EIF2AK3: variants seen among roughly 807,000 people sequenced by gnomAD.
EIF2AK3 encodes the protein eukaryotic translation initiation factor 2-alpha kinase 3.
Under a neutral mutation model 113.5 loss-of-function variants are expected in EIF2AK3, and 50 were observed. The ratio of observed to expected loss-of-function variants is 0.44; its 90% CI spans 0.35 to 0.56. The LOEUF is 0.56. EIF2AK3 is among the 20% of genes least tolerant of loss of function. The pLI is 0.00. For missense variants in EIF2AK3, 1,185 were observed against 1,378.0 expected (o/e 0.86, Z 2.22); for synonymous variants, 448 against 495.4 (o/e 0.90, Z 1.27).
intron 2 of EIF2AK3, among the ~76,000 whole-genome samples, chr2:88,596,736 T>C (rs1308233580): frequency 6.6e-6 from 1 of 152,118 alleles, no homozygotes; most frequent in Non-Finnish European, 1.5e-5. Flanking sequence ...GGTAAGAGGT[T>C]AGTTGATAAG....
intron 3 of EIF2AK3, chr2:88,594,039 G>A (rs1326688020): frequency 1.4e-5 from 10 of 734,884 alleles, no homozygotes; most frequent in African/African-American, 1.9e-5. Context: ...CTCAAAAAAC[G>A]GCCAGATAGG....
At chr2:88,595,697 A>T (rs574662197) in intron 2 of EIF2AK3, 34 bp from the exon 3 acceptor site, 1 of 1,567,852 alleles carries the variant, frequency 6.4e-7, no homozygotes, top group Non-Finnish European at 8.8e-7. Flanking sequence ...AAAGGGCCAT[A>T]ACATTAATTA....
At chr2:88,590,159 C>T (rs1674846404) in intron 6 of EIF2AK3, among the ~76,000 whole-genome samples, 1 of 152,134 alleles carries the variant, frequency 6.6e-6, no homozygotes, top group Non-Finnish European at 1.5e-5. Context: ...CGCTTGAACC[C>T]AGGAGGCGGA....
intron 8 of EIF2AK3, among the ~76,000 whole-genome samples, chr2:88,587,143 T>C (rs1200619849): frequency 7.2e-6 from 1 of 139,082 alleles, no homozygotes; most frequent in African/African-American, 2.7e-5. Context: ...AGGTGGAGGT[T>C]GTAGTGAGCC....
chr2:88,574,647 A>AT lies in EIF2AK3; in HGVS notation c.2817+18dup. 6.2e-7 allele frequency: 1 copy of AT among 1,613,674 alleles called. No individual in the cohort carries two copies. The highest frequency in any genetic ancestry group is 1.1e-5 in the South Asian group (1 of 91,044). On this transcript the variant is annotated intron_variant, in intron 13 of 16. Transcript: ENST00000303236. Reference sequence around the variant, plus strand: ...ACGTCAGATTGAAACCCCAAGGGTGATGCTCCACAAATACAGACCTTGAGG... The same window carrying AT: ...ACGTCAGATTGAAACCCCAAGGGTGATTGCTCCACAAATACAGACCTTGAGG...
chr2:88,614,762 T>G (rs1675531695), intron 1 of EIF2AK3, among the ~76,000 whole-genome samples: 1 of 152,108 alleles, frequency 6.6e-6, no homozygotes, highest in African/African-American at 2.4e-5. Context: ...AAGCACTACT[T>G]TGCACACACC....
At chr2:88,582,658 GAT>G (rs1203949322) in intron 10 of EIF2AK3, among the ~76,000 whole-genome samples, 1 of 152,042 alleles carries the variant, frequency 6.6e-6, no homozygotes, top group East Asian at 1.9e-4. Flanking sequence ...CTATGTATAA[GAT>G]ATATATGCAC....
chr2:88,625,435 G>A lies in EIF2AK3; in HGVS notation c.308+1532C>T, dbSNP rs138649730. Reference sequence around the variant, plus strand: ...CCATTACAATTTTACCCATTTTTCAGGAACCAACTCATTCTGCCACAACCT... The same window carrying A: ...CCATTACAATTTTACCCATTTTTCAAGAACCAACTCATTCTGCCACAACCT... On this transcript the variant is annotated intron_variant, in intron 1 of 16. Coordinates refer to ENST00000303236, the MANE Select transcript of EIF2AK3 (RefSeq NM_004836.7). 4.7e-3 allele frequency among the ~76,000 whole-genome samples: 716 copies of A among 152,042 alleles called. 4 individuals carry two copies. The highest frequency in any genetic ancestry group is 0.017 in the African/African-American group (692 of 41,482).
intron 2 of EIF2AK3, 85 bp downstream of exon 2, chr2:88,613,639 G>A: frequency 6.7e-7 from 1 of 1,484,328 alleles, no homozygotes; most frequent in Admixed American, 1.7e-5. Context: ...CTCAAACCTG[G>A]GCAATAGGGC....
At position 88,586,050 on chromosome 2, in the gene EIF2AK3, A is replaced by G. The variant is rs781716922; in HGVS notation, c.1441T>C (p.Tyr481His). The change falls in exon 9 of 17, where the codon TAT becomes CAT. Residue 481 changes from tyrosine to histidine, a missense_variant. By Grantham distance (83) the Tyr-to-His change is moderately conservative. Around this residue, in one of 3 missense-constraint regions of EIF2AK3, gnomAD observed 877 missense variants for 1,024.2 expected, o/e 0.86. Transcript: ENST00000303236. Reference sequence around the variant, plus strand: ...CTCTCCCTCTTGTAGTATGGTAGATAATAACCATTATCTTCAAATAGAAAC... The same window carrying G: ...CTCTCCCTCTTGTAGTATGGTAGATGATAACCATTATCTTCAAATAGAAAC... ...ILQYPYDNGY[Y>H]LPYYKRERNK... 1.9e-6 allele frequency: 3 copies of G among 1,613,706 alleles called. No individual in the cohort carries two copies. The highest frequency in any genetic ancestry group is 2.5e-6 in the Non-Finnish European group (3 of 1,179,766).
At chr2:88,588,976 T>A in intron 6 of EIF2AK3, 75 bp from the exon 7 acceptor site, 1 of 1,508,550 alleles carries the variant, frequency 6.6e-7, no homozygotes, top group Non-Finnish European at 9.1e-7. Flanking sequence ...AAAATTACAT[T>A]AATTCCAGTT....
At chr2:88,623,748 C>A (rs1675790707) in intron 1 of EIF2AK3, among the ~76,000 whole-genome samples, 1 of 152,142 alleles carries the variant, frequency 6.6e-6, no homozygotes, top group African/African-American at 2.4e-5. Context: ...GTATTTATCT[C>A]CTGTTGACTA....
At chr2:88,625,216 CT>C (rs1675828838) in intron 1 of EIF2AK3, among the ~76,000 whole-genome samples, 1 of 147,900 alleles carries the variant, frequency 6.8e-6, no homozygotes, top group Admixed American at 6.7e-5. Flanking sequence ...CGGCTCTAAC[CT>C]ATTTTTTCTA....
At chr2:88,607,434 G>C (rs1675307633) in intron 2 of EIF2AK3, among the ~76,000 whole-genome samples, 1 of 152,134 alleles carries the variant, frequency 6.6e-6, no homozygotes, top group Admixed American at 6.6e-5. Flanking sequence ...GTGAACTTTA[G>C]GTGCATTATT....
At chr2:88,560,406 C>T (rs756698729) in intron 15 of EIF2AK3, among the ~76,000 whole-genome samples, 1 of 151,896 alleles carries the variant, frequency 6.6e-6, no homozygotes, top group Non-Finnish European at 1.5e-5. Flanking sequence ...GCTGCCTTTT[C>T]ACTTTCTATT....
chr2:88,622,507 A>G (rs1335723512), intron 1 of EIF2AK3, among the ~76,000 whole-genome samples: 3 of 152,234 alleles, frequency 2.0e-5, no homozygotes, highest in Admixed American at 6.5e-5. Flanking sequence ...ATCAGATAAA[A>G]AGCAATCTCC....
intron 2 of EIF2AK3, among the ~76,000 whole-genome samples, chr2:88,601,201 G>A (rs1211232703): frequency 6.6e-6 from 1 of 152,154 alleles, no homozygotes; most frequent in African/African-American, 2.4e-5. Context: ...CAACCCCTTT[G>A]TTATGCACTG....
Position 88,575,331 on chromosome 2 carries a change from T to C in EIF2AK3, c.2152A>G (p.Arg718Gly), listed in dbSNP as rs201096232. 6.2e-7 allele frequency: 1 copy of C among 1,614,058 alleles called. No individual in the cohort carries two copies. The highest frequency in any genetic ancestry group is 8.5e-7 in the Non-Finnish European group (1 of 1,180,020). ...HIEIIAPSPQ[R>G]SRSFSVGISC... Reference sequence around the variant, plus strand: ...ATCCCTACTGAAAAAGACCTGCTTCTTTGTGGTGAAGGAGCTATGATTTCA... The same window carrying C: ...ATCCCTACTGAAAAAGACCTGCTTCCTTGTGGTGAAGGAGCTATGATTTCA... Residue 718 changes from arginine to glycine, a missense_variant, in exon 13 of 17, where the codon AGA becomes GGA. Arg to Gly is a moderately radical substitution (Grantham distance 125, BLOSUM62 -2). Transcript: ENST00000303236.
At chr2:88,593,949 A>G (rs1466765698) in intron 3 of EIF2AK3, 1 of 991,078 alleles carries the variant, frequency 1.0e-6, no homozygotes, top group Non-Finnish European at 1.2e-6. Context: ...AGCACATCAA[A>G]TCGGAAAACC....
Sources: allele counts gnomAD v4.1 joint callset (sites outside exome capture counted in the v4.1 genomes callset), GRCh38; gene constraint gnomAD v4.1.1; regional missense constraint gnomAD v4.1.1; transcripts MANE v1.5; gene names NCBI Gene and HGNC (gene_info 2026-07-23, HGNC 2026-07-21).